The following AMPD3 variants were observed in gnomAD, a reference collection of about 807,000 sequenced individuals.
AMPD3 encodes AMP deaminase 3.
A neutral mutation model predicts 82.3 loss-of-function variants in AMPD3; 57 were observed. The observed-to-expected ratio is 0.69, with a 90% CI of 0.56 to 0.86. AMPD3 has a LOEUF of 0.86. AMPD3 is among the 40% of genes least tolerant of loss of function. The pLI, the probability that AMPD3 is intolerant of heterozygous loss-of-function variation, is 0.00. For missense variants in AMPD3, 870 were observed against 1,003.8 expected, an observed-to-expected ratio of 0.87 and a Z score of 1.80; for synonymous variants, 381 against 394.7, an observed-to-expected ratio of 0.97 and a Z score of 0.41.
chr11:10,483,472 A>G (rs1161228627), intron 4 of AMPD3, among the ~76,000 whole-genome samples: 1 of 152,192 alleles, frequency 6.6e-6, no homozygotes, highest in Admixed American at 6.5e-5. Context: ...CTATTTCCCT[A>G]TCTGAGGGAA....
chr11:10,500,800 A>G, intron 11 of AMPD3: 1 of 985,404 alleles, frequency 1.0e-6, no homozygotes, highest in Non-Finnish European at 1.2e-6. Context: ...CAATACGCAC[A>G]CAGACGAGGC....
intron 1 of AMPD3, among the ~76,000 whole-genome samples, chr11:10,458,944 G>T (rs935029901): frequency 2.0e-5 from 3 of 152,250 alleles, no homozygotes; most frequent in Admixed American, 6.5e-5. Context: ...CTTGGAATAA[G>T]GGGGGAGGTG....
chr11:10,500,597 A>C (rs1244146277), intron 11 of AMPD3: 1 of 985,234 alleles, frequency 1.0e-6, no homozygotes. Flanking sequence ...TCCCTGAGAT[A>C]ATGGAAGCAT....
intron 6 of AMPD3, among the ~76,000 whole-genome samples, chr11:10,492,651 C>A (rs1849270226): frequency 1.3e-5 from 2 of 152,160 alleles, no homozygotes; most frequent in Non-Finnish European, 2.9e-5. Context: ...GACTTAGAGG[C>A]ATCAAACATG....
intron 11 of AMPD3, chr11:10,500,973 T>A: frequency 6.1e-6 from 6 of 985,366 alleles, no homozygotes; most frequent in Non-Finnish European, 7.2e-6. Context: ...GGGGTCCTGA[T>A]TGAAAGAAAT....
At chr11:10,504,324 C>A in intron 13 of AMPD3, 2 of 664,644 alleles carry the variant, frequency 3.0e-6, no homozygotes, top group Non-Finnish European at 3.7e-6. Flanking sequence ...CAGTGCTGGT[C>A]AATGAATAAA....
intron 6 of AMPD3, chr11:10,488,452 A>AG: frequency 1.0e-6 from 1 of 956,094 alleles, no homozygotes; most frequent in Non-Finnish European, 1.2e-6. Context: ...AAATGTCAGG[A>AG]GGGAGGGATG....
At chr11:10,452,936 C>T (rs943778788), upstream of AMPD3, among the ~76,000 whole-genome samples, 5 of 151,996 alleles carry the variant, frequency 3.3e-5, no homozygotes, top group Admixed American at 1.3e-4. Context: ...GGGAGTCTAG[C>T]TGGAGTTTTT....
chr11:10,499,743 G>A, intron 10 of AMPD3: 1 of 985,418 alleles, frequency 1.0e-6, no homozygotes, highest in Non-Finnish European at 1.2e-6. Flanking sequence ...CTGCAGGCTG[G>A]CCTCGGCATA....
In AMPD3 at chr11:10,455,273, A is replaced by G. The variant is rs538794292; in HGVS notation, c.-181A>G. Reference sequence around the variant, plus strand: ...TGTTCTGAGCCTTCCCACTCTCCTAAAGGGCAGATGAAGATCAGAGCTTTG... The same window carrying G: ...TGTTCTGAGCCTTCCCACTCTCCTAGAGGGCAGATGAAGATCAGAGCTTTG... On this transcript the variant is annotated 5_prime_UTR_variant, in exon 1 of 15. Transcript: ENST00000396553. The G allele has an allele frequency of 1.0e-6, 1 of 985,402 alleles. No individual in the cohort carries two copies. Among genetic ancestry groups the G allele is most frequent in the African/African-American group, 1.7e-5 (1 of 57,346 alleles). 61.0% of individuals were successfully genotyped at this position (985,402 alleles called of 1,614,324 possible). A position where few individuals can be genotyped will look rare whatever the true frequency, so the allele number is the denominator to read the frequency against.
intron 1 of AMPD3, among the ~76,000 whole-genome samples, chr11:10,459,074 C>G (rs1318056911): frequency 6.6e-6 from 1 of 152,042 alleles, no homozygotes; most frequent in Non-Finnish European, 1.5e-5. Flanking sequence ...TCTCTGCTAT[C>G]AAGACATGGA....
intron 6 of AMPD3, among the ~76,000 whole-genome samples, chr11:10,488,616 G>A (rs900325490): frequency 6.6e-6 from 1 of 152,192 alleles, no homozygotes; most frequent in Non-Finnish European, 1.5e-5. Flanking sequence ...TGCAGGGGCT[G>A]TGGGTTTCCC....
chr11:10,453,012 C>G (rs1047410785), upstream of AMPD3, among the ~76,000 whole-genome samples: 3 of 152,052 alleles, frequency 2.0e-5, no homozygotes, highest in African/African-American at 7.2e-5. Context: ...TGCAGTGGCA[C>G]AATCTCAGCT....
In AMPD3 at chr11:10,500,278, T is replaced by G. The variant is rs762937195; in HGVS notation, c.1721+29T>G. On this transcript the variant is annotated intron_variant, in intron 11 of 14. Coordinates refer to ENST00000396553, the MANE Select transcript of AMPD3 (RefSeq NM_001025389.2). ...CGTGAGGCCTGCCCTCGCACATGCTTGGGTTCATGTGTTAGTACATGCACG... is the reference window on the plus strand; with the variant it reads ...CGTGAGGCCTGCCCTCGCACATGCTGGGGTTCATGTGTTAGTACATGCACG... 9 of 1,613,082 alleles carry G rather than the reference T, an allele frequency of 5.6e-6. No homozygotes were observed. In the South Asian group the frequency reaches 8.8e-5, roughly 16 times the overall value.
intron 6 of AMPD3, among the ~76,000 whole-genome samples, chr11:10,492,570 G>C (rs75667205): frequency 6.6e-6 from 1 of 152,144 alleles, no homozygotes; most frequent in Non-Finnish European, 1.5e-5. Flanking sequence ...AGAACCTGTC[G>C]TACCTGTTAA....
intron 1 of AMPD3, among the ~76,000 whole-genome samples, chr11:10,460,564 G>A (rs1391906207): frequency 6.6e-6 from 1 of 151,068 alleles, no homozygotes; most frequent in Non-Finnish European, 1.5e-5. Context: ...CTGCCACCAC[G>A]CCTGGCTAAT....
chr11:10,456,344 C>G lies in AMPD3; in HGVS notation c.-6+896C>G. Reference sequence around the variant, plus strand: ...GAGCCTCCTGGGTGGCAGGCAGCACCTCACCCGGGTGCATCACTTGAGTGG... The same window carrying G: ...GAGCCTCCTGGGTGGCAGGCAGCACGTCACCCGGGTGCATCACTTGAGTGG... On this transcript the variant is annotated intron_variant, in intron 1 of 14. Coordinates refer to ENST00000396553, the MANE Select transcript of AMPD3 (RefSeq NM_001025389.2). The surrounding 1 kb of genome is among the most constrained non-coding windows in gnomAD (Gnocchi z 4.3). The G allele has an allele frequency of 6.2e-7, 1 of 1,613,288 alleles. No homozygotes were observed. Among genetic ancestry groups the G allele is most frequent in the Non-Finnish European group, 8.5e-7 (1 of 1,179,410 alleles).
At position 10,500,116 on chromosome 11, in the gene AMPD3, T is replaced by C; in HGVS notation, c.1588T>C (p.Ser530Pro). ...VTGFDSVDDESKHSDHMFSDK... is the reference protein window; with the variant it reads ...VTGFDSVDDEPKHSDHMFSDK... ...GGGGTTTGACAGCGTGGATGATGAG[T>C]CCAAGCACAGCGACCACATGTTTTC... The change falls in exon 11 of 15, where the codon TCC becomes CCC. Residue 530 changes from serine (S) to proline (P), a missense_variant. Ser to Pro is a moderately conservative substitution (Grantham distance 74). Coordinates refer to ENST00000396553, the MANE Select transcript of AMPD3 (RefSeq NM_001025389.2). 6.2e-7 allele frequency: 1 copy of C among 1,613,888 alleles called. No homozygotes were observed. The highest frequency in any genetic ancestry group is 8.5e-7 in the Non-Finnish European group (1 of 1,179,976).
chr11:10,494,822 C>CTCGTAAAG lies in AMPD3; in HGVS notation c.1135-76_1135-69dup. ...TCGGTGTGGCCATACAGAAGGCCGC[C>CTCGTAAAG]TCGTAAAGGTCTAGAGAGGGGAACG... On this transcript the variant is annotated intron_variant, in intron 7 of 14. Transcript: ENST00000396553. 3 of 1,580,600 alleles carry CTCGTAAAG rather than the reference C, an allele frequency of 1.9e-6. No individual in the cohort carries two copies. The South Asian group carries it at 3.3e-5, about 18-fold the overall frequency.
Sources: allele counts gnomAD v4.1 joint callset (sites outside exome capture counted in the v4.1 genomes callset), GRCh38; gene constraint gnomAD v4.1.1; non-coding constraint Gnocchi (gnomAD v3.1); transcripts MANE v1.5; gene names NCBI Gene and HGNC (gene_info 2026-07-23, HGNC 2026-07-21).